Variants in MGST1 observed in about 807,000 individuals in gnomAD.
MGST1 encodes the protein microsomal glutathione S-transferase 1.
A neutral mutation model predicts 8.9 loss-of-function variants in MGST1; 5 were observed. The observed-to-expected ratio is 0.56, with a 90% CI of 0.29 to 1.19. The LOEUF (loss-of-function observed/expected upper bound fraction) is 1.19. Ranked by LOEUF, MGST1 falls within the 50% of genes most tolerant of loss-of-function variation. MGST1 has a pLI of 0.08. For missense variants in MGST1, 182 were observed against 187.4 expected (o/e 0.97, Z 0.17); for synonymous variants, 54 against 67.8 (o/e 0.80, Z 1.00).
chr12:16,403,348 G>A (rs1940675600), intron 1 of MGST1, among the ~76,000 whole-genome samples: 1 of 151,964 alleles, frequency 6.6e-6, no homozygotes, highest in Admixed American at 6.5e-5. Flanking sequence ...TAAGAGCACT[G>A]AGATTAGAAG....
upstream of MGST1, chr12:16,382,756 G>A (rs1459787842): frequency 6.5e-6 from 1 of 152,934 alleles, no homozygotes; most frequent in Non-Finnish European, 1.5e-5. Context: ...TACAGAGGCA[G>A]GCAGGCCTCC....
chr12:16,514,089 A>G (rs1941594941), intron 4 of MGST1: 2 of 385,022 alleles, frequency 5.2e-6, no homozygotes, highest in Non-Finnish European at 1.0e-5. Context: ...TGAAGAAAAC[A>G]AAAATCTCTT....
intron 1 of MGST1, among the ~76,000 whole-genome samples, chr12:16,404,053 G>T (rs1591718619): frequency 6.6e-6 from 1 of 152,120 alleles, no homozygotes; most frequent in African/African-American, 2.4e-5. Context: ...CTAGTACTCT[G>T]ATTGTAGAAT....
At chr12:16,398,566 A>G (rs1210484514) in intron 1 of MGST1, among the ~76,000 whole-genome samples, 3 of 152,262 alleles carry the variant, frequency 2.0e-5, no homozygotes, top group African/African-American at 7.2e-5. Context: ...CAGAAAAAAA[A>G]GAAGACAGTG....
chr12:16,486,806 C>T (rs979613912), intron 4 of MGST1, among the ~76,000 whole-genome samples: 57 of 152,156 alleles, frequency 3.7e-4, no homozygotes, highest in Admixed American at 3.4e-3. Context: ...GGGACTTCAG[C>T]AGGAAAAGGA....
intron 4 of MGST1, among the ~76,000 whole-genome samples, chr12:16,532,282 G>A (rs1201506621): frequency 6.6e-6 from 1 of 151,978 alleles, no homozygotes; most frequent in Admixed American, 6.6e-5. Context: ...TCTTATTCTT[G>A]TTTGCTTGCT....
rs1555104768 is a variant in MGST1 at position 16,454,902 on chromosome 12, A to AAAAAAAAAAAAAAAAAAAAAAAAG, written n.482+71300_482+71301insAAAAAAAAAAAAAAAAAAAAAGAA. 9.5e-5 allele frequency among the ~76,000 whole-genome samples: 12 copies of AAAAAAAAAAAAAAAAAAAAAAAAG among 125,996 alleles called. 3 individuals carry two copies. Among genetic ancestry groups the AAAAAAAAAAAAAAAAAAAAAAAAG allele is most frequent in the African/African-American group, 3.9e-4 (12 of 30,900 alleles). 82.7% of individuals were successfully genotyped at this position (125,996 alleles called of 152,430 possible). Reference sequence around the variant, plus strand: ...AAAAAAAAAAAAAAAAAAAAAAAAAAAAGGAGATGGGAAGATTTGAGGAGA... The same window carrying AAAAAAAAAAAAAAAAAAAAAAAAG: ...AAAAAAAAAAAAAAAAAAAAAAAAAAAAAAAAAAAAAAAAAAAAAAAAAGAAGGAGATGGGAAGATTTGAGGAGA... On this transcript the variant is annotated intron_variant and non_coding_transcript_variant, in intron 4 of 4. Transcript: ENST00000538857.
chr12:16,581,842 C>G (rs1427535671), intron 4 of MGST1, among the ~76,000 whole-genome samples: 1 of 152,006 alleles, frequency 6.6e-6, no homozygotes, highest in Admixed American at 6.6e-5. Flanking sequence ...ATATTCCTAA[C>G]AAGCTATTTT....
At chr12:16,535,599 C>A (rs1941752587) in intron 4 of MGST1, among the ~76,000 whole-genome samples, 1 of 152,164 alleles carries the variant, frequency 6.6e-6, no homozygotes, top group African/African-American at 2.4e-5. Context: ...TGGAACCATG[C>A]AAACTGCCAA....
rs529257211 is a variant in MGST1, at chr12:16,576,451, T to C, written n.483-13077T>C. 1.3e-5 allele frequency among the ~76,000 whole-genome samples: 2 copies of C among 152,332 alleles called. No individual in the cohort carries two copies. The highest frequency in any genetic ancestry group is 4.8e-5 in the African/African-American group (2 of 41,582). On this transcript the variant is annotated intron_variant and non_coding_transcript_variant, in intron 4 of 4. Coordinates refer to the MGST1 transcript ENST00000538857. The surrounding 1 kb of genome is among the most constrained non-coding windows in gnomAD (Gnocchi z 4.1). ...GAAGACTACTGCTGCTTTTTTTTCA[T>C]ATTCAGATCAAATGTCAATGGATCT...
chr12:16,485,015 G>T (rs1372589526), intron 4 of MGST1, among the ~76,000 whole-genome samples: 1 of 152,140 alleles, frequency 6.6e-6, no homozygotes, highest in African/African-American at 2.4e-5. Flanking sequence ...CATCAAAATC[G>T]TTCTTGCTAC....
chr12:16,360,676 C>T (rs988179944), intron 3 of MGST1, among the ~76,000 whole-genome samples: 2 of 152,106 alleles, frequency 1.3e-5, no homozygotes, highest in Admixed American at 1.3e-4. Flanking sequence ...ATTCAAAAGA[C>T]AAAATAAAGG....
intron 1 of MGST1, among the ~76,000 whole-genome samples, chr12:16,419,813 T>C (rs1403055923): frequency 6.6e-6 from 1 of 152,150 alleles, no homozygotes; most frequent in Non-Finnish European, 1.5e-5. Context: ...GGAGACGGAT[T>C]GGATGCCAGG....
intron 3 of MGST1, among the ~76,000 whole-genome samples, chr12:16,371,241 A>G (rs1940287661): frequency 1.3e-5 from 2 of 152,236 alleles, no homozygotes; most frequent in South Asian, 4.1e-4. Flanking sequence ...TCTATAAATT[A>G]GTTAGGTTCT....
intron 4 of MGST1, among the ~76,000 whole-genome samples, chr12:16,583,316 T>A (rs551677184): frequency 1.8e-3 from 272 of 152,032 alleles, no homozygotes; most frequent in African/African-American, 6.1e-3. Context: ...TTCTTTTTTT[T>A]TAAAAAAATT....
intron 4 of MGST1, among the ~76,000 whole-genome samples, chr12:16,474,634 C>A (rs186335343): frequency 6.6e-6 from 1 of 152,174 alleles, no homozygotes; most frequent in Non-Finnish European, 1.5e-5. Flanking sequence ...CCTTTTTGAT[C>A]CCCTTTCTCC....
chr12:16,534,860 C>A (rs925868807), intron 4 of MGST1, among the ~76,000 whole-genome samples: 1 of 152,134 alleles, frequency 6.6e-6, no homozygotes, highest in African/African-American at 2.4e-5. Flanking sequence ...TTCTCCCAGG[C>A]CTTGTAAGCC....
chr12:16,408,172 G>A (rs1004861846), intron 1 of MGST1, among the ~76,000 whole-genome samples: 1 of 151,980 alleles, frequency 6.6e-6, no homozygotes, highest in Non-Finnish European at 1.5e-5. Flanking sequence ...AGGATGCATG[G>A]ACATATGGAC....
At chr12:16,357,539 T>TA (rs1939775226) in intron 2 of MGST1, 66 bp from the exon 3 acceptor site, 1 of 1,229,452 alleles carries the variant, frequency 8.1e-7, no homozygotes, top group African/African-American at 1.5e-5. Context: ...GCGCTGGAAT[T>TA]ACAGGTGTGA....
Sources: gnomAD v4.1 joint callset for allele counts (sites outside exome capture counted in the v4.1 genomes callset) on GRCh38, gnomAD v4.1.1 for gene constraint, Gnocchi (gnomAD v3.1) non-coding constraint, MANE v1.5 for transcripts, NCBI Gene and HGNC (gene_info 2026-07-23, HGNC 2026-07-21) for gene names.